The following NXPE2 variants were observed in gnomAD, a reference collection of about 807,000 sequenced individuals.
The protein encoded by NXPE2 is neurexophilin and PC-esterase domain family member 2.
A neutral mutation model predicts 34.4 loss-of-function variants in NXPE2; 34 were observed. The observed-to-expected ratio is 0.99, with a 90% CI of 0.75 to 1.31. The LOEUF (loss-of-function observed/expected upper bound fraction) is 1.31, where lower values mean the gene tolerates loss of function less well. NXPE2 is among the 40% of genes most tolerant of loss of function. The pLI is 0.00. For missense variants in NXPE2, 649 were observed against 672.5 expected, an observed-to-expected ratio of 0.97 and a Z score of 0.39; for synonymous variants, 235 against 231.3, an observed-to-expected ratio of 1.02 and a Z score of -0.15.
At chr11:114,607,724 G>T in the NXPE2 span, among the ~76,000 whole-genome samples, 1 of 151,892 alleles carries the variant, frequency 6.6e-6, no homozygotes, top group Non-Finnish European at 1.5e-5. Context: ...TTGTTGCCTC[G>T]TGGGTAACCA....
At chr11:114,653,158 GT>G in the NXPE2 span, among the ~76,000 whole-genome samples, 1 of 152,104 alleles carries the variant, frequency 6.6e-6, no homozygotes, top group Non-Finnish European at 1.5e-5. Flanking sequence ...AAGTTTCAAA[GT>G]TATAAAAGTA....
chr11:114,795,334 A>G, the NXPE2 span, among the ~76,000 whole-genome samples: 1 of 152,208 alleles, frequency 6.6e-6, no homozygotes, highest in African/African-American at 2.4e-5. Context: ...ACCCTCCTGC[A>G]TTCAGCTTCC....
chr11:114,583,952 G>T, the NXPE2 span: 3 of 390,312 alleles, frequency 7.7e-6, no homozygotes, highest in Non-Finnish European at 1.5e-5. Flanking sequence ...TGGGATTGAT[G>T]ATGAGTCCTA....
the NXPE2 span, among the ~76,000 whole-genome samples, chr11:114,510,070 T>C: frequency 4.6e-5 from 7 of 152,196 alleles, no homozygotes; most frequent in South Asian, 8.3e-4. Flanking sequence ...CACTGAACTC[T>C]GTAGTTACAA....
chr11:114,607,328 G>A, the NXPE2 span, among the ~76,000 whole-genome samples: 132 of 151,992 alleles, frequency 8.7e-4, 1 homozygote, highest in Middle Eastern at 3.4e-3. Context: ...TTGTTAGCCC[G>A]TTGATACTAA....
chr11:114,545,964 C>G, the NXPE2 span, among the ~76,000 whole-genome samples: 1 of 152,204 alleles, frequency 6.6e-6, no homozygotes, highest in African/African-American at 2.4e-5. Flanking sequence ...GCTGGGATTA[C>G]AGGCATGAGC....
chr11:114,568,723 T>C, the NXPE2 span, among the ~76,000 whole-genome samples: 1 of 152,314 alleles, frequency 6.6e-6, no homozygotes, highest in Non-Finnish European at 1.5e-5. Context: ...TATCCCACTT[T>C]CAATGCTTCT....
At chr11:114,531,018 A>G in the NXPE2 span, 1 of 1,150,434 alleles carries the variant, frequency 8.7e-7, no homozygotes, top group Non-Finnish European at 1.2e-6. Flanking sequence ...ATTGAATTCA[A>G]TTTGTTACCA....
chr11:114,813,004 GC>G, the NXPE2 span, among the ~76,000 whole-genome samples: 2 of 152,162 alleles, frequency 1.3e-5, no homozygotes, highest in African/African-American at 4.8e-5. Flanking sequence ...GCAGCGAGGT[GC>G]CCTGCTGGGG....
the NXPE2 span, among the ~76,000 whole-genome samples, chr11:114,574,967 A>G: frequency 6.6e-6 from 1 of 152,158 alleles, no homozygotes; most frequent in African/African-American, 2.4e-5. Flanking sequence ...AACCAAATCC[A>G]ATGGCATATC....
At chr11:114,763,692 A>C in the NXPE2 span, among the ~76,000 whole-genome samples, 13 of 152,204 alleles carry the variant, frequency 8.5e-5, no homozygotes, top group African/African-American at 3.1e-4. Context: ...ATATTCCATC[A>C]CCAGTGCCAG....
chr11:114,552,841 T>C, the NXPE2 span: 1 of 967,614 alleles, frequency 1.0e-6, no homozygotes, highest in Middle Eastern at 5.3e-4. Context: ...TGTAAAATAC[T>C]GGGTACTTAC....
At chr11:114,736,592 C>G in the NXPE2 span, among the ~76,000 whole-genome samples, 1 of 152,050 alleles carries the variant, frequency 6.6e-6, no homozygotes, top group East Asian at 1.9e-4. Context: ...CACGCATGCT[C>G]TACAATTTGT....
the NXPE2 span, among the ~76,000 whole-genome samples, chr11:114,746,728 G>A: frequency 1.3e-5 from 2 of 152,076 alleles, no homozygotes; most frequent in South Asian, 2.1e-4. Context: ...GCCCGCGCCT[G>A]TAGTCCCAGA....
the NXPE2 span, among the ~76,000 whole-genome samples, chr11:114,808,906 A>G: frequency 2.0e-5 from 3 of 152,156 alleles, no homozygotes; most frequent in South Asian, 2.1e-4. Flanking sequence ...AGAATTTTAG[A>G]CCAATATCCT....
chr11:114,571,171 T>C, the NXPE2 span: 2 of 1,614,004 alleles, frequency 1.2e-6, no homozygotes, highest in East Asian at 2.2e-5. Flanking sequence ...ATAACCATAG[T>C]GTCTGGGCTT....
the NXPE2 span, among the ~76,000 whole-genome samples, chr11:114,568,804 A>T: frequency 1.3e-5 from 2 of 152,060 alleles, no homozygotes; most frequent in African/African-American, 2.4e-5. Context: ...CACTGATGTG[A>T]TATGCTTTGT....
the NXPE2 span, among the ~76,000 whole-genome samples, chr11:114,537,326 A>C: frequency 6.6e-6 from 1 of 152,364 alleles, no homozygotes; most frequent in Non-Finnish European, 1.5e-5. Context: ...CCAATATCAT[A>C]CTGAATGGAC....
chr11:114,516,346 C>T, the NXPE2 span, among the ~76,000 whole-genome samples: 7 of 152,038 alleles, frequency 4.6e-5, no homozygotes, highest in Admixed American at 2.0e-4. Flanking sequence ...TAGTAGGAGT[C>T]TCAAGTTAAG....
Sources: allele counts gnomAD v4.1 joint callset (sites outside exome capture counted in the v4.1 genomes callset), GRCh38; gene constraint gnomAD v4.1.1; transcripts MANE v1.5; gene names NCBI Gene and HGNC (gene_info 2026-07-23, HGNC 2026-07-21).